The following ATP7B variants were observed in gnomAD, a reference collection of about 807,000 sequenced individuals.
ATP7B encodes the protein ATPase copper transporting beta.
In ATP7B, 113 loss-of-function variants were observed where a neutral mutation model predicts 118.9. That is an observed-to-expected ratio of 0.95 (90% CI 0.82 to 1.11). The LOEUF (loss-of-function observed/expected upper bound fraction) is 1.11. ATP7B is among the 50% of genes most tolerant of loss of function. ATP7B has a pLI of 0.00. For synonymous variants in ATP7B, 777 were observed against 727.4 expected (o/e 1.07, Z -1.10); for missense variants, 1,867 against 1,871.4 (o/e 1.00, Z 0.04).
intron 16 of ATP7B, among the ~76,000 whole-genome samples, chr13:51,939,731 G>T (rs1486506002): frequency 6.6e-6 from 1 of 152,166 alleles, no homozygotes; most frequent in Non-Finnish European, 1.5e-5. Context: ...TGACATACGA[G>T]AGGGCACGAC....
At chr13:51,935,077 C>CT (rs199877783) in intron 20 of ATP7B, 48 bp from the exon 21 acceptor site, 18,911 of 1,089,798 alleles carry the variant, frequency 0.017, no homozygotes, top group Non-Finnish European at 0.02. Context: ...AGAAACAAGG[C>CT]TTTTTTTTTT....
At chr13:51,943,884 G>A (rs1256267273) in intron 14 of ATP7B, among the ~76,000 whole-genome samples, 1 of 152,126 alleles carries the variant, frequency 6.6e-6, no homozygotes, top group Non-Finnish European at 1.5e-5. Context: ...GGCGCCTGGT[G>A]ATGTTCAGCA....
chr13:51,995,417 G>A, intron 1 of ATP7B: 2 of 858,008 alleles, frequency 2.3e-6, no homozygotes, highest in Non-Finnish European at 2.8e-6. Flanking sequence ...TGGCCTGGCT[G>A]AATGCCTAAC....
chr13:51,956,062 C>T (rs111543390), intron 9 of ATP7B, among the ~76,000 whole-genome samples: 6,001 of 152,272 alleles, frequency 0.039, 127 homozygotes, highest in Middle Eastern at 0.088. Flanking sequence ...TGGAACTAGA[C>T]GATCTGTGGC....
intron 4 of ATP7B, among the ~76,000 whole-genome samples, chr13:51,967,872 T>C (rs1341413420): frequency 6.6e-6 from 1 of 152,230 alleles, no homozygotes; most frequent in Non-Finnish European, 1.5e-5. Context: ...TTCAATAATG[T>C]GTTGGCACGT....
intron 12 of ATP7B, among the ~76,000 whole-genome samples, chr13:51,946,930 C>G (rs1480011939): frequency 6.6e-6 from 1 of 152,114 alleles, no homozygotes; most frequent in South Asian, 2.1e-4. Context: ...TAACTATTAT[C>G]GTTATTTTTC....
intron 5 of ATP7B, among the ~76,000 whole-genome samples, chr13:51,963,917 C>T (rs1386977110): frequency 3.3e-5 from 5 of 151,102 alleles, no homozygotes; most frequent in East Asian, 2.0e-4. Flanking sequence ...CCAGGCATGG[C>T]GGTGCACGCC....
intron 1 of ATP7B, among the ~76,000 whole-genome samples, chr13:51,977,469 TC>T (rs1952181039): frequency 6.6e-6 from 1 of 152,054 alleles, no homozygotes; most frequent in African/African-American, 2.4e-5. Context: ...CTACATCTTC[TC>T]CCACTGGAAG....
chr13:51,989,619 C>CA (rs1284580901), intron 1 of ATP7B, among the ~76,000 whole-genome samples: 1 of 151,744 alleles, frequency 6.6e-6, no homozygotes, highest in Non-Finnish European at 1.5e-5. Context: ...CAATATACAA[C>CA]AAAATGAAAT....
chr13:51,961,950 G>A (rs772722730), intron 5 of ATP7B, 37 bp from the exon 6 acceptor site: 9 of 1,563,156 alleles, frequency 5.8e-6, no homozygotes, highest in Non-Finnish European at 7.9e-6. Context: ...GAAAAAGGAG[G>A]AAGGTACTTG....
At chr13:51,986,261 C>T (rs974555201) in intron 1 of ATP7B, among the ~76,000 whole-genome samples, 6 of 152,188 alleles carry the variant, frequency 3.9e-5, no homozygotes, top group Admixed American at 3.9e-4. Context: ...GAAATACAAA[C>T]TACCATCAGA....
At chr13:51,949,176 T>C (rs998240151) in intron 12 of ATP7B, among the ~76,000 whole-genome samples, 4 of 152,116 alleles carry the variant, frequency 2.6e-5, no homozygotes, top group African/African-American at 7.2e-5. Context: ...GGAGACTCCA[T>C]CTCAAATAAA....
chr13:51,937,562 G>A lies in ATP7B; in HGVS notation c.3817C>T (p.Pro1273Ser), dbSNP rs1250943420. The change falls in exon 18 of 21, where the codon CCG (proline) becomes TCG (serine). Residue 1273 changes from proline (P) to serine (S), a missense_variant. By Grantham distance (74) the Pro-to-Ser change is moderately conservative (BLOSUM62 -1). Coordinates refer to ENST00000242839, the MANE Select transcript of ATP7B (RefSeq NM_000053.4). ...AMVGDGVNDSPALAQADMGVA... is the reference protein window; with the variant it reads ...AMVGDGVNDSSALAQADMGVA... The stretch of plus-strand genomic sequence containing the variant: ...CCCATGTCTGCCTGGGCCAAGGCCG[G>A]GGAGTCATTGACCCCATCCCCCACC... 2 of 1,614,132 alleles carry A rather than the reference G, an allele frequency of 1.2e-6. No individual in the cohort carries two copies. The highest frequency in any genetic ancestry group is 1.3e-5 in the African/African-American group (1 of 74,950).
intron 11 of ATP7B, 79 bp from the exon 12 acceptor site, chr13:51,949,875 G>A: frequency 6.2e-7 from 1 of 1,610,486 alleles, no homozygotes. Context: ...GATAAAGATT[G>A]GGATAATCTC....
chr13:51,951,796 T>C (rs1446598648), intron 9 of ATP7B, among the ~76,000 whole-genome samples: 1 of 151,900 alleles, frequency 6.6e-6, no homozygotes, highest in Non-Finnish European at 1.5e-5. Flanking sequence ...ACTCTACACG[T>C]AGGGTTTGTG....
chr13:51,943,571 T>C (rs1274104691), intron 14 of ATP7B, among the ~76,000 whole-genome samples: 1 of 152,130 alleles, frequency 6.6e-6, no homozygotes, highest in East Asian at 1.9e-4. Flanking sequence ...ATATTCAGAC[T>C]GAAATTAAGA....
intron 1 of ATP7B, chr13:51,978,912 A>T (rs905391675): frequency 2.0e-5 from 3 of 152,146 alleles, no homozygotes; most frequent in African/African-American, 7.2e-5. Flanking sequence ...TGGCAGTTCC[A>T]CTTCCAAGAA....
rs141967105 is a variant in ATP7B at position 51,940,106 on chromosome 13, G to A, written c.3557-913C>T. On this transcript the variant is annotated intron_variant, in intron 16 of 20. Coordinates refer to ENST00000242839, the MANE Select transcript of ATP7B (RefSeq NM_000053.4). Reference sequence around the variant, plus strand: ...TGGCTCACCACAACCTCCAACTCCCGGGTTCAAGCAATTCTCCTGCCTCAG... The same window carrying A: ...TGGCTCACCACAACCTCCAACTCCCAGGTTCAAGCAATTCTCCTGCCTCAG... 1.8e-3 allele frequency among the ~76,000 whole-genome samples: 257 copies of A among 144,064 alleles called. 2 individuals carry two copies. Among genetic ancestry groups the A allele is most frequent in the African/African-American group, 6.2e-3 (242 of 39,288 alleles). The allele number at this position is 144,064 out of a possible 152,430, so 94.5% of individuals were successfully genotyped here. A position where few individuals can be genotyped will look rare whatever the true frequency, so the allele number is the denominator to read the frequency against.
At chr13:51,946,976 G>T (rs1403906727) in intron 12 of ATP7B, among the ~76,000 whole-genome samples, 1 of 152,152 alleles carries the variant, frequency 6.6e-6, no homozygotes, top group Admixed American at 6.5e-5. Context: ...CTATTCTAAG[G>T]TGATAATCAT....
Sources: gnomAD v4.1 joint callset for allele counts (sites outside exome capture counted in the v4.1 genomes callset) on GRCh38, gnomAD v4.1.1 for gene constraint, MANE v1.5 for transcripts, NCBI Gene and HGNC (gene_info 2026-07-23, HGNC 2026-07-21) for gene names.